The following PCDHA3 variants were observed in gnomAD, a reference collection of about 807,000 sequenced individuals.
PCDHA3 encodes protocadherin alpha 3, also known as protocadherin alpha-3.
A neutral mutation model predicts 62.2 loss-of-function variants in PCDHA3; 41 were observed. The ratio of observed to expected loss-of-function variants is 0.66; its 90% CI spans 0.51 to 0.86. The LOEUF (loss-of-function observed/expected upper bound fraction) is 0.86. Ranked by LOEUF, PCDHA3 falls within the 40% of genes least tolerant of loss-of-function variation. The pLI, the probability that PCDHA3 is intolerant of heterozygous loss-of-function variation, is 0.00. For synonymous variants in PCDHA3, 640 were observed against 555.4 expected, an observed-to-expected ratio of 1.15 and a Z score of -2.14; for missense variants, 1,304 against 1,241.2, an observed-to-expected ratio of 1.05 and a Z score of -0.76.
intron 1 of PCDHA3, chr5:140,808,463 A>G: frequency 6.2e-7 from 1 of 1,614,166 alleles, no homozygotes; most frequent in Non-Finnish European, 8.5e-7. Context: ...GCTGGTGGTG[A>G]CCGCGCGAGA....
intron 1 of PCDHA3, among the ~76,000 whole-genome samples, chr5:140,921,063 T>G (rs1054649837): frequency 6.6e-6 from 1 of 152,078 alleles, no homozygotes; most frequent in Admixed American, 6.6e-5. Context: ...CACTCTAACC[T>G]TGAACTCTTG....
At position 140,836,427 on chromosome 5, in the gene PCDHA3, G is replaced by T. The variant is rs2150260736; in HGVS notation, c.2394+32836G>T. ...CCAGGCACCAAAGGCGTCGTCGCGG[G>T]CATCGTTGGGCATTGCAGGCCCAGA... On this transcript the variant is annotated intron_variant, in intron 1 of 3. Coordinates refer to ENST00000522353, the MANE Select transcript of PCDHA3 (RefSeq NM_018906.3). 2.5e-6 allele frequency: 4 copies of T among 1,613,858 alleles called. No individual in the cohort carries two copies. In the South Asian group the frequency reaches 3.3e-5, roughly 13 times the overall value.
At chr5:140,883,830 A>G in intron 1 of PCDHA3, 5 of 1,612,532 alleles carry the variant, frequency 3.1e-6, no homozygotes, top group Non-Finnish European at 4.2e-6. Context: ...TACGCGCTGC[A>G]GCCGTTGGAC....
In PCDHA3 at chr5:140,871,299, G is replaced by T. The variant is rs782459625; in HGVS notation, c.2394+67708G>T. On this transcript the variant is annotated intron_variant, in intron 1 of 3. Coordinates refer to ENST00000522353, the MANE Select transcript of PCDHA3 (RefSeq NM_018906.3). The stretch of plus-strand genomic sequence containing the variant: ...CAACGCCCACTGAGGGCGCGTGCGC[G>T]CCGGGGAAGCCCACGCTGGTGTGCT... 1.5e-5 allele frequency: 24 copies of T among 1,613,798 alleles called. No homozygotes were observed. In the East Asian group the frequency reaches 5.3e-4, roughly 36 times the overall value.
intron 1 of PCDHA3, among the ~76,000 whole-genome samples, chr5:140,901,786 T>C (rs2068901288): frequency 6.6e-6 from 1 of 152,242 alleles, no homozygotes; most frequent in South Asian, 2.1e-4. Context: ...TAGATTACTT[T>C]GGGTAGTATG....
At chr5:140,808,513 T>A (rs1554124601) in intron 1 of PCDHA3, 1 of 1,614,138 alleles carries the variant, frequency 6.2e-7, no homozygotes. Flanking sequence ...CCAGTGTTTC[T>A]GTGGAGGTGG....
chr5:140,947,586 A>G (rs958279437), intron 1 of PCDHA3, among the ~76,000 whole-genome samples: 1 of 151,670 alleles, frequency 6.6e-6, no homozygotes, highest in Non-Finnish European at 1.5e-5. Context: ...TAACATTTAG[A>G]TCAATTTAGG....
intron 1 of PCDHA3, chr5:140,883,520 G>T (rs1554178526): frequency 6.2e-7 from 1 of 1,614,104 alleles, no homozygotes; most frequent in African/African-American, 1.3e-5. Context: ...CCGCGAGAGC[G>T]TATCAGCCTA....
chr5:140,912,723 A>C (rs781874290), intron 1 of PCDHA3, among the ~76,000 whole-genome samples: 21 of 152,256 alleles, frequency 1.4e-4, no homozygotes, highest in Admixed American at 1.1e-3. Context: ...TCCATTCAAT[A>C]TGATGTTGGC....
At chr5:140,994,573 C>A (rs1587629172) in intron 3 of PCDHA3, among the ~76,000 whole-genome samples, 1 of 152,000 alleles carries the variant, frequency 6.6e-6, no homozygotes, top group African/African-American at 2.4e-5. Context: ...GGTGTGGTGG[C>A]ATGCACTTGT....
intron 1 of PCDHA3, among the ~76,000 whole-genome samples, chr5:140,945,121 C>T (rs1412218992): frequency 6.6e-6 from 1 of 152,042 alleles, no homozygotes; most frequent in East Asian, 1.9e-4. Context: ...GATAAAAAAT[C>T]AACTTACAAA....
rs536777034 is a variant in PCDHA3 at position 140,985,803 on chromosome 5, G to A, written c.2542+3240G>A. Among the ~76,000 whole-genome samples the A allele has an allele frequency of 1.3e-4, 18 of 139,858 alleles. No individual in the cohort carries two copies. In the East Asian group the frequency reaches 1.8e-3, roughly 14 times the overall value. The allele number at this position is 139,858 out of a possible 152,430, so 91.8% of individuals were successfully genotyped here. A position where few individuals can be genotyped will look rare whatever the true frequency, so the allele number is the denominator to read the frequency against. Reference sequence around the variant, plus strand: ...CGCCCAGGCTGGAGTGCAGTGGCACGATCTCAGCTCACAACAAGCTCTGCC... The same window carrying A: ...CGCCCAGGCTGGAGTGCAGTGGCACAATCTCAGCTCACAACAAGCTCTGCC... On this transcript the variant is annotated intron_variant, in intron 3 of 3. Transcript: ENST00000522353.
At chr5:140,882,108 A>T in intron 1 of PCDHA3, 4 of 1,370,912 alleles carry the variant, frequency 2.9e-6, no homozygotes, top group Non-Finnish European at 3.9e-6. Context: ...TCCGCGAAGA[A>T]AGCCGCCGTT....
rs2150127505 is a variant in PCDHA3 at position 140,823,621 on chromosome 5, A to G, written c.2394+20030A>G. On this transcript the variant is annotated intron_variant, in intron 1 of 3. Transcript: ENST00000522353. ...GTATGAGCTGCAGCCAGCGCCTGGCAGTGCGCGCATCCCGTTCCGCGTGGG... is the reference window on the plus strand; with the variant it reads ...GTATGAGCTGCAGCCAGCGCCTGGCGGTGCGCGCATCCCGTTCCGCGTGGG... 5 of 1,613,864 alleles carry G rather than the reference A, an allele frequency of 3.1e-6. No individual in the cohort carries two copies. The highest frequency in any genetic ancestry group is 1.7e-5 in the Admixed American group (1 of 60,008).
At chr5:140,811,756 A>G (rs1376410604) in intron 1 of PCDHA3, 18 of 152,164 alleles carry the variant, frequency 1.2e-4, no homozygotes, top group Non-Finnish European at 2.4e-4. Flanking sequence ...ACCAGTGATG[A>G]TGGGCATTTT....
intron 2 of PCDHA3, among the ~76,000 whole-genome samples, chr5:140,980,838 A>G (rs141603230): frequency 5.3e-5 from 8 of 152,320 alleles, no homozygotes; most frequent in African/African-American, 1.4e-4. Flanking sequence ...GTGAACCTAA[A>G]TAATACTAAT....
intron 1 of PCDHA3, chr5:140,805,018 T>C (rs1554123186): frequency 6.4e-7 from 1 of 1,568,484 alleles, no homozygotes; most frequent in Non-Finnish European, 8.6e-7. Flanking sequence ...GTTATCAGCT[T>C]CTTGAATATA....
intron 1 of PCDHA3, chr5:140,869,938 T>TA (rs2051517617): frequency 6.2e-7 from 1 of 1,611,918 alleles, no homozygotes; most frequent in Admixed American, 1.7e-5. Context: ...AGAGGTAACA[T>TA]ACTCCTTAAT....
At position 140,802,724 on chromosome 5, in the gene PCDHA3, G is replaced by T. The variant is rs1305715476; in HGVS notation, c.1527G>T (p.Ser509=). The change falls in exon 1 of 4, where the codon TCG becomes TCT. Residue 509 remains serine, a synonymous_variant. Transcript: ENST00000522353. ...AGCGCGCGCTGTCGAGCTACGTGTCGGTACACGCGGAGAGCGGCAAGGTGT... is the reference window on the plus strand; with the variant it reads ...AGCGCGCGCTGTCGAGCTACGTGTCTGTACACGCGGAGAGCGGCAAGGTGT... ...VGERALSSYV[S]VHAESGKVYA... is the part of the protein sequence containing the mutation. The T allele has an allele frequency of 5.6e-6, 9 of 1,612,466 alleles. No homozygotes were observed. Among genetic ancestry groups the T allele is most frequent in the Non-Finnish European group, 7.6e-6 (9 of 1,179,792 alleles).
Sources: gnomAD v4.1 joint callset for allele counts (sites outside exome capture counted in the v4.1 genomes callset) on GRCh38, gnomAD v4.1.1 for gene constraint, MANE v1.5 for transcripts, NCBI Gene and HGNC (gene_info 2026-07-23, HGNC 2026-07-21) for gene names.